The following PRKCH variants were observed in gnomAD, a reference collection of about 807,000 sequenced individuals.
PRKCH encodes the protein protein kinase C eta type.
In PRKCH, 28 loss-of-function variants were observed where a neutral mutation model predicts 82.5. The ratio of observed to expected loss-of-function variants is 0.34; its 90% CI spans 0.25 to 0.47. The LOEUF is 0.47. Among genes scored for constraint, PRKCH ranks in the 20% least tolerant of loss-of-function variants. PRKCH has a pLI of 1.00. For synonymous variants in PRKCH, 322 were observed against 327.4 expected (o/e 0.98, Z 0.18); for missense variants, 705 against 881.8 (o/e 0.80, Z 2.54).
intron 2 of PRKCH, among the ~76,000 whole-genome samples, chr14:61,409,360 C>A (rs1882138474): frequency 6.6e-6 from 1 of 152,108 alleles, no homozygotes; most frequent in African/African-American, 2.4e-5. Context: ...CCGATTCTTT[C>A]AGTACAGATA....
intron 1 of PRKCH, among the ~76,000 whole-genome samples, chr14:61,236,314 G>A (rs1389303211): frequency 1.3e-5 from 2 of 152,190 alleles, no homozygotes; most frequent in African/African-American, 4.8e-5. Context: ...CTACTGGACT[G>A]CATTCCCAGA....
At chr14:61,543,836 T>C (rs2043218502) in intron 12 of PRKCH, 1 of 152,282 alleles carries the variant, frequency 6.6e-6, no homozygotes, top group African/African-American at 2.4e-5. Flanking sequence ...GAAAGGCCTG[T>C]GCCCAGCCTA....
rs185033328 is a variant in PRKCH at position 61,331,440 on chromosome 14, G to A, written c.363+8976G>A. ...AGGCTGAGGCAGGAGGATTGCTTGAGCCTAGGAGTTCAAGGCTGCAGTGAG... is the reference window on the plus strand; with the variant it reads ...AGGCTGAGGCAGGAGGATTGCTTGAACCTAGGAGTTCAAGGCTGCAGTGAG... On this transcript the variant is annotated intron_variant, in intron 1 of 13. Coordinates refer to ENST00000332981, the MANE Select transcript of PRKCH (RefSeq NM_006255.5). Among the ~76,000 whole-genome samples, 11 of 152,264 alleles carry A rather than the reference G, an allele frequency of 7.2e-5. No homozygotes were observed. In the East Asian group the frequency reaches 1.9e-3, roughly 27 times the overall value.
intron 1 of PRKCH, among the ~76,000 whole-genome samples, chr14:61,367,981 T>G (rs2046319166): frequency 1.3e-5 from 2 of 152,030 alleles, no homozygotes; most frequent in Admixed American, 1.3e-4. Flanking sequence ...CCCAAAGTGC[T>G]GGGATTACAG....
intron 1 of PRKCH, among the ~76,000 whole-genome samples, chr14:61,199,281 T>A (rs545591112): frequency 6.6e-6 from 1 of 152,314 alleles, no homozygotes; most frequent in East Asian, 1.9e-4. Context: ...ATGTACCCCC[T>A]GGGTGTCTGA....
At chr14:61,534,248 T>C (rs2043078903) in intron 12 of PRKCH, among the ~76,000 whole-genome samples, 1 of 152,192 alleles carries the variant, frequency 6.6e-6, no homozygotes, top group African/African-American at 2.4e-5. Flanking sequence ...GGAACTCTAA[T>C]AGATATTTGT....
intron 1 of PRKCH, among the ~76,000 whole-genome samples, chr14:61,205,576 G>A (rs1340978955): frequency 6.6e-6 from 1 of 152,102 alleles, no homozygotes; most frequent in Non-Finnish European, 1.5e-5. Context: ...CCTGTGTGAG[G>A]TGAGCACTTC....
chr14:61,326,965 C>G (rs779173220), intron 1 of PRKCH: 10 of 415,834 alleles, frequency 2.4e-5, no homozygotes, highest in South Asian at 1.7e-4. Context: ...TGCTGACCTT[C>G]TAAATGGGGA....
chr14:61,322,141 G>A lies in PRKCH; in HGVS notation c.40G>A (p.Val14Ile). Residue 14 changes from valine (V) to isoleucine (I), a missense_variant, in exon 1 of 14, where the codon GTC becomes ATC. By Grantham distance (29) the Val-to-Ile change is conservative. Around this residue, in one of 5 missense-constraint regions of PRKCH, gnomAD observed 246 missense variants for 308.0 expected, o/e 0.80. Coordinates refer to ENST00000332981, the MANE Select transcript of PRKCH (RefSeq NM_006255.5). ...GTMKFNGYLR[V>I]RIGEAVGLQP... is the part of the protein sequence containing the mutation. ...CATGAAGTTCAATGGCTATTTGAGG[G>A]TCCGCATCGGTGAGGCAGTGGGGCT... 4 of 1,603,288 alleles carry A rather than the reference G, an allele frequency of 2.5e-6. No individual in the cohort carries two copies. Among genetic ancestry groups the A allele is most frequent in the Admixed American group, 1.7e-5 (1 of 58,836 alleles).
chr14:61,234,540 C>T (rs980437187), intron 1 of PRKCH, among the ~76,000 whole-genome samples: 2 of 152,174 alleles, frequency 1.3e-5, no homozygotes, highest in Non-Finnish European at 2.9e-5. Context: ...TGCAAGCCAG[C>T]CCTTCCTGCA....
chr14:61,201,542 C>T (rs2044481726), intron 1 of PRKCH, among the ~76,000 whole-genome samples: 1 of 152,046 alleles, frequency 6.6e-6, no homozygotes, highest in South Asian at 2.1e-4. Flanking sequence ...AGAATATAAA[C>T]ATTATCAACC....
At chr14:61,267,917 G>A (rs1044716167) in intron 1 of PRKCH, among the ~76,000 whole-genome samples, 4 of 151,998 alleles carry the variant, frequency 2.6e-5, no homozygotes, top group Admixed American at 6.6e-5. Flanking sequence ...TTATTAAAAG[G>A]GTGCTTTTAT....
chr14:61,372,450 C>T (rs972652832), intron 1 of PRKCH, among the ~76,000 whole-genome samples: 8 of 151,972 alleles, frequency 5.3e-5, no homozygotes, highest in Non-Finnish European at 1.0e-4. Context: ...TTTTACTAGC[C>T]TTTCTCCCTT....
chr14:61,295,223 G>A (rs754307650), intron 1 of PRKCH, among the ~76,000 whole-genome samples: 1 of 152,000 alleles, frequency 6.6e-6, no homozygotes, highest in African/African-American at 2.4e-5. Context: ...TATAAACAGA[G>A]AACATGAAAA....
chr14:61,490,634 C>A (rs371566728), intron 10 of PRKCH, among the ~76,000 whole-genome samples: 10 of 152,124 alleles, frequency 6.6e-5, no homozygotes, highest in Non-Finnish European at 1.0e-4. Context: ...TGTGTTGGGG[C>A]CAGGCACAGT....
intron 1 of PRKCH, among the ~76,000 whole-genome samples, chr14:61,246,130 G>T (rs566518563): frequency 6.6e-6 from 1 of 152,190 alleles, no homozygotes; most frequent in Non-Finnish European, 1.5e-5. Flanking sequence ...TCTAGGCCAG[G>T]CGCGGTGGCT....
intron 6 of PRKCH, among the ~76,000 whole-genome samples, chr14:61,451,319 T>C (rs1338495415): frequency 1.3e-5 from 2 of 151,770 alleles, no homozygotes; most frequent in Non-Finnish European, 2.9e-5. Context: ...GGTGAGACAC[T>C]AAAAAGAAAA....
chr14:61,383,967 C>T (rs2046549473), intron 1 of PRKCH, among the ~76,000 whole-genome samples: 1 of 152,112 alleles, frequency 6.6e-6, no homozygotes, highest in Non-Finnish European at 1.5e-5. Flanking sequence ...GTGTTTTATT[C>T]TGAAGACTCT....
chr14:61,306,298 T>G (rs1313277102), intron 1 of PRKCH: 1 of 152,284 alleles, frequency 6.6e-6, no homozygotes, highest in African/African-American at 2.4e-5. Flanking sequence ...AGTCCTATCC[T>G]GCACATGGGC....
Sources: allele counts gnomAD v4.1 joint callset (sites outside exome capture counted in the v4.1 genomes callset), GRCh38; gene constraint gnomAD v4.1.1; regional missense constraint gnomAD v4.1.1; transcripts MANE v1.5; gene names NCBI Gene and HGNC (gene_info 2026-07-23, HGNC 2026-07-21).